PHYHIPL: variants seen among roughly 807,000 people sequenced by gnomAD.
PHYHIPL encodes phytanoyl-CoA 2-hydroxylase interacting protein like.
Under a neutral mutation model 33.4 loss-of-function variants are expected in PHYHIPL, and 9 were observed. The ratio of observed to expected loss-of-function variants is 0.27; its 90% confidence interval spans 0.16 to 0.47. The LOEUF is 0.47. Ranked by LOEUF, PHYHIPL falls within the 20% of genes least tolerant of loss-of-function variation. PHYHIPL has a pLI of 0.99. For synonymous variants in PHYHIPL, 153 were observed against 154.1 expected, an observed-to-expected ratio of 0.99 and a Z score of 0.05; for missense variants, 365 against 460.7, an observed-to-expected ratio of 0.79 and a Z score of 1.90.
chr10:59,245,211 A>C lies in PHYHIPL; in HGVS notation c.751A>C (p.Arg251=). ...CCAGGATTCACCTTATGGAAGATAC[A>C]GGTTTGAGATTGCCGCAGAAAAACT... is the stretch of plus-strand genomic sequence containing the variant. The part of the protein sequence containing the change: ...PPQDSPYGRY[R]FEIAAEKLFN... Residue 251 remains arginine (R), a synonymous_variant, in exon 5 of 5, where the codon AGG becomes CGG. Coordinates refer to ENST00000373880, the MANE Select transcript of PHYHIPL (RefSeq NM_032439.4). 1 of 1,614,172 alleles carries C rather than the reference A, an allele frequency of 6.2e-7. No individual in the cohort carries two copies. Among genetic ancestry groups the C allele is most frequent in the Non-Finnish European group, 8.5e-7 (1 of 1,180,028 alleles).
intron 1 of PHYHIPL, among the ~76,000 whole-genome samples, chr10:59,200,409 A>G (rs1025978594): frequency 2.0e-5 from 3 of 152,148 alleles, no homozygotes; most frequent in Admixed American, 6.6e-5. Context: ...GATGAAGCCA[A>G]CTTCATTGTG....
intron 1 of PHYHIPL, among the ~76,000 whole-genome samples, chr10:59,196,939 T>C (rs900724968): frequency 8.5e-5 from 13 of 152,216 alleles, no homozygotes; most frequent in Admixed American, 8.5e-4. Context: ...TGATGTTGTA[T>C]ATAGCAATTT....
intron 1 of PHYHIPL, among the ~76,000 whole-genome samples, chr10:59,228,625 C>T (rs567984254): frequency 6.6e-6 from 1 of 152,182 alleles, no homozygotes; most frequent in East Asian, 1.9e-4. Context: ...CACGTAATTA[C>T]AATTATAAAA....
At chr10:59,197,651 T>C (rs1838956542) in intron 1 of PHYHIPL, among the ~76,000 whole-genome samples, 1 of 152,204 alleles carries the variant, frequency 6.6e-6, no homozygotes. Flanking sequence ...AACCATCTTC[T>C]TCTATTCTGG....
intron 1 of PHYHIPL, among the ~76,000 whole-genome samples, chr10:59,207,959 C>T (rs891641414): frequency 2.0e-5 from 3 of 151,848 alleles, no homozygotes; most frequent in Admixed American, 1.3e-4. Context: ...CTGCCTGGGG[C>T]AGAGCACCTG....
intron 1 of PHYHIPL, among the ~76,000 whole-genome samples, chr10:59,198,885 C>T (rs1412509273): frequency 2.6e-5 from 4 of 152,158 alleles, no homozygotes; most frequent in South Asian, 2.1e-4. Flanking sequence ...ATCCTTTGCC[C>T]ACTTTTTGAT....
chr10:59,226,382 G>C (rs577082973), intron 1 of PHYHIPL, among the ~76,000 whole-genome samples: 1 of 152,204 alleles, frequency 6.6e-6, no homozygotes, highest in African/African-American at 2.4e-5. Context: ...GAATAATCAA[G>C]CCTTTATTCA....
At chr10:59,196,033 T>C (rs923311382) in intron 1 of PHYHIPL, among the ~76,000 whole-genome samples, 6 of 152,176 alleles carry the variant, frequency 3.9e-5, no homozygotes, top group African/African-American at 1.4e-4. Flanking sequence ...GGTACATGTG[T>C]ATAATTGGTA....
chr10:59,183,566 G>A (rs1838473545), intron 1 of PHYHIPL: 1 of 642,878 alleles, frequency 1.6e-6, no homozygotes, highest in Non-Finnish European at 1.9e-6. Flanking sequence ...CCCTTTGAGG[G>A]AAAGGGGTGG....
At chr10:59,202,668 TG>T (rs1839155132) in intron 1 of PHYHIPL, among the ~76,000 whole-genome samples, 1 of 152,210 alleles carries the variant, frequency 6.6e-6, no homozygotes, top group Non-Finnish European at 1.5e-5. Flanking sequence ...GCCTAGGAAG[TG>T]CCTTCAAAAC....
In PHYHIPL at chr10:59,247,124, T is replaced by C. The variant is rs922113070; in HGVS notation, c.*1533T>C. The C allele has an allele frequency of 6.4e-6, 1 of 156,460 alleles. No homozygotes were observed. Among genetic ancestry groups the C allele is most frequent in the Non-Finnish European group, 1.4e-5 (1 of 70,996 alleles). 9.7% of individuals were successfully genotyped at this position (156,460 alleles called of 1,614,324 possible). ...AAAGGACAAGGTAGTAAATGTTTTA[T>C]CACTCAAAAATCCATTAGAAGTTTC... On this transcript the variant is annotated 3_prime_UTR_variant, in exon 5 of 5. Coordinates refer to ENST00000373880, the MANE Select transcript of PHYHIPL (RefSeq NM_032439.4).
At chr10:59,232,882 G>GT (rs927307990) in intron 1 of PHYHIPL, among the ~76,000 whole-genome samples, 1 of 151,826 alleles carries the variant, frequency 6.6e-6, no homozygotes, top group Admixed American at 6.6e-5. Flanking sequence ...TTGTTTGAGT[G>GT]TTTTTTGCCT....
intron 1 of PHYHIPL, among the ~76,000 whole-genome samples, chr10:59,178,400 G>A (rs1838313508): frequency 6.6e-6 from 1 of 152,096 alleles, no homozygotes; most frequent in Non-Finnish European, 1.5e-5. Flanking sequence ...TATTCCATAT[G>A]TAAGCTTGCA....
chr10:59,207,782 T>C (rs1383258195), intron 1 of PHYHIPL, among the ~76,000 whole-genome samples: 2 of 151,810 alleles, frequency 1.3e-5, no homozygotes, highest in African/African-American at 4.8e-5. Context: ...TCCCAGCTAC[T>C]TGGGAGGCTG....
intron 1 of PHYHIPL, among the ~76,000 whole-genome samples, chr10:59,183,969 G>A (rs1838487249): frequency 6.6e-6 from 1 of 152,030 alleles, no homozygotes; most frequent in African/African-American, 2.4e-5. Flanking sequence ...TGATTTTTTT[G>A]AGAAATAGTG....
Position 59,244,562 on chromosome 10 carries a change from C to CAAAAAAAAAAAAAAAAAAAAA in PHYHIPL, c.597-491_597-471dup, listed in dbSNP as rs71006239. 5.1e-5 allele frequency among the ~76,000 whole-genome samples: 2 copies of CAAAAAAAAAAAAAAAAAAAAA among 39,556 alleles called. 1 individual carries two copies. Among genetic ancestry groups the CAAAAAAAAAAAAAAAAAAAAA allele is most frequent in the Non-Finnish European group, 9.5e-5 (2 of 21,000 alleles). The allele number at this position is 39,556 out of a possible 152,430, so 26.0% of individuals were successfully genotyped here. ...CTGGCAACAGAGTGAGACTCTGTCT[C>CAAAAAAAAAAAAAAAAAAAAA]AAAAAAAAAAAAAAAAAAAAAAAAG... is the stretch of plus-strand genomic sequence containing the variant. On this transcript the variant is annotated intron_variant, in intron 4 of 4. Transcript: ENST00000373880.
At chr10:59,230,867 T>A (rs994906574) in intron 1 of PHYHIPL, among the ~76,000 whole-genome samples, 1 of 152,148 alleles carries the variant, frequency 6.6e-6, no homozygotes, top group African/African-American at 2.4e-5. Flanking sequence ...TTTTTCTTAT[T>A]GGCAATTTGT....
chr10:59,208,276 CA>C, intron 1 of PHYHIPL, among the ~76,000 whole-genome samples: 1 of 152,188 alleles, frequency 6.6e-6, no homozygotes, highest in East Asian at 1.9e-4. Flanking sequence ...AATACCCAGG[CA>C]AACAGGATCT....
At chr10:59,205,098 G>A (rs1047437046) in intron 1 of PHYHIPL, among the ~76,000 whole-genome samples, 9 of 152,200 alleles carry the variant, frequency 5.9e-5, no homozygotes, top group Non-Finnish European at 1.0e-4. Context: ...CAGGTGATCT[G>A]CCTGCCTTGG....
Sources: allele counts gnomAD v4.1 joint callset (sites outside exome capture counted in the v4.1 genomes callset), GRCh38; gene constraint gnomAD v4.1.1; transcripts MANE v1.5; gene names NCBI Gene and HGNC (gene_info 2026-07-23, HGNC 2026-07-21).